CFDP1: variants seen among roughly 807,000 people sequenced by gnomAD.
CFDP1 encodes chromatin remodeling protein CFDP1, also known as heterochromatin-stabilizing protein CFDP1.
A neutral mutation model predicts 40.1 loss-of-function variants in CFDP1; 31 were observed. The observed-to-expected ratio is 0.77, with a 90% confidence interval of 0.58 to 1.04. CFDP1 has a LOEUF of 1.04. Among genes scored for constraint, CFDP1 ranks in the 50% least tolerant of loss-of-function variants. The probability of loss-of-function intolerance (pLI) is 0.00; values close to 1 mark genes in which losing one functional copy is unlikely to be tolerated. For missense variants in CFDP1, 423 were observed against 343.4 expected, an observed-to-expected ratio of 1.23 and a Z score of -1.83; for synonymous variants, 167 against 120.0, an observed-to-expected ratio of 1.39 and a Z score of -2.56.
chr16:75,387,102 A>T (rs2078904405), intron 5 of CFDP1, among the ~76,000 whole-genome samples: 1 of 152,190 alleles, frequency 6.6e-6, no homozygotes, highest in African/African-American at 2.4e-5. Context: ...ACTGAAGAAC[A>T]TGAAGGTGAA....
chr16:75,422,198 G>C (rs1289948278), intron 1 of CFDP1, among the ~76,000 whole-genome samples: 1 of 151,990 alleles, frequency 6.6e-6, no homozygotes, highest in Non-Finnish European at 1.5e-5. Context: ...CCGTGTTCAA[G>C]CTATTCTCCT....
chr16:75,348,430 A>G (rs2078585463), intron 5 of CFDP1, among the ~76,000 whole-genome samples: 1 of 152,232 alleles, frequency 6.6e-6, no homozygotes, highest in Admixed American at 6.5e-5. Context: ...TTATTTCAAA[A>G]TAAAATTTAA....
At chr16:75,328,884 T>C (rs1439169474) in intron 5 of CFDP1, among the ~76,000 whole-genome samples, 1 of 150,490 alleles carries the variant, frequency 6.6e-6, no homozygotes, top group Non-Finnish European at 1.5e-5. Context: ...TTTGCTCTTG[T>C]TGCCCAGGCT....
At chr16:75,339,766 T>C (rs1215171809) in intron 5 of CFDP1, among the ~76,000 whole-genome samples, 1 of 152,204 alleles carries the variant, frequency 6.6e-6, no homozygotes, top group Non-Finnish European at 1.5e-5. Flanking sequence ...ATACATGTGA[T>C]GCATGTTCAG....
chr16:75,425,099 T>A (rs1354028770), intron 1 of CFDP1, among the ~76,000 whole-genome samples: 1 of 151,938 alleles, frequency 6.6e-6, no homozygotes, highest in Non-Finnish European at 1.5e-5. Flanking sequence ...AGATACAGAC[T>A]GTATTCATAG....
chr16:75,328,194 G>A (rs2078417834), intron 5 of CFDP1, among the ~76,000 whole-genome samples: 1 of 149,538 alleles, frequency 6.7e-6, no homozygotes, highest in Admixed American at 6.6e-5. Context: ...ATGTTGCCCA[G>A]GCTGGTCTCA....
chr16:75,393,600 G>A (rs574252139), intron 5 of CFDP1, among the ~76,000 whole-genome samples: 3 of 149,874 alleles, frequency 2.0e-5, no homozygotes, highest in East Asian at 4.0e-4. Context: ...GCGCGGTGGC[G>A]GGCGCCTGTA....
chr16:75,300,663 T>C (rs906914341), intron 6 of CFDP1, among the ~76,000 whole-genome samples: 3 of 152,190 alleles, frequency 2.0e-5, no homozygotes, highest in African/African-American at 7.2e-5. Context: ...AGGTTCTGTT[T>C]ATGGAGGGAA....
At chr16:75,370,984 T>C (rs2078747300) in intron 5 of CFDP1, among the ~76,000 whole-genome samples, 1 of 152,230 alleles carries the variant, frequency 6.6e-6, no homozygotes, top group South Asian at 2.1e-4. Flanking sequence ...AGTTTATTCA[T>C]TTATCAAATA....
chr16:75,403,337 G>C (rs2079071342), intron 4 of CFDP1, among the ~76,000 whole-genome samples: 1 of 152,136 alleles, frequency 6.6e-6, no homozygotes, highest in South Asian at 2.1e-4. Context: ...TCCTACTTCA[G>C]CCTCCTGAGT....
chr16:75,376,821 G>C (rs1170517121), intron 5 of CFDP1, among the ~76,000 whole-genome samples: 1 of 152,200 alleles, frequency 6.6e-6, no homozygotes, highest in African/African-American at 2.4e-5. Context: ...GACAACACCT[G>C]AGAGTTACCG....
chr16:75,411,157 G>T (rs995651304), intron 4 of CFDP1, among the ~76,000 whole-genome samples: 3 of 151,958 alleles, frequency 2.0e-5, no homozygotes, highest in Non-Finnish European at 4.4e-5. Flanking sequence ...GGTGGAGGTC[G>T]CAATGAGCCG....
chr16:75,389,533 C>T (rs1466163774), intron 5 of CFDP1, among the ~76,000 whole-genome samples: 3 of 152,142 alleles, frequency 2.0e-5, no homozygotes, highest in Admixed American at 2.0e-4. Flanking sequence ...CTTATCTTAT[C>T]AAAAGATGTG....
intron 5 of CFDP1, among the ~76,000 whole-genome samples, chr16:75,390,714 T>C (rs1194566987): frequency 6.6e-6 from 1 of 152,204 alleles, no homozygotes; most frequent in Non-Finnish European, 1.5e-5. Context: ...GATCTGGGTA[T>C]TTATTCCCTT....
chr16:75,412,646 T>A lies in CFDP1; in HGVS notation c.291A>T (p.Glu97Asp). 1 of 1,614,180 alleles carries A rather than the reference T, an allele frequency of 6.2e-7. No individual in the cohort carries two copies. The highest frequency in any genetic ancestry group is 2.2e-5 in the East Asian group (1 of 44,888). Reference sequence around the variant, plus strand: ...TGGCATCCTCTGATCCAATGCCTTTTTCCTGCTCTGCAGCGTCATCTTCCT... The same window carrying A: ...TGGCATCCTCTGATCCAATGCCTTTATCCTGCTCTGCAGCGTCATCTTCCT... ...SEEEDDAAEQ[E>D]KGIGSEDARK... Residue 97 changes from glutamate to aspartate, a missense_variant, in exon 3 of 7, where the codon GAA becomes GAT. Transcript: ENST00000283882.
intron 2 of CFDP1, 63 bp downstream of exon 2, chr16:75,414,515 T>A (rs2079187671): frequency 1.0e-6 from 1 of 958,206 alleles, no homozygotes; most frequent in East Asian, 2.4e-5. Flanking sequence ...GAGACCAATC[T>A]TAGCAATCAG....
intron 5 of CFDP1, among the ~76,000 whole-genome samples, chr16:75,366,482 G>A (rs996218942): frequency 6.6e-6 from 1 of 152,162 alleles, no homozygotes; most frequent in Admixed American, 6.5e-5. Context: ...AATCAGCCGG[G>A]TGTGGTGGCA....
intron 5 of CFDP1, among the ~76,000 whole-genome samples, chr16:75,375,223 A>G (rs1251476639): frequency 1.3e-5 from 2 of 152,196 alleles, no homozygotes; most frequent in Non-Finnish European, 1.5e-5. Flanking sequence ...CTGAATATCA[A>G]AATTAAAAAC....
chr16:75,304,390 G>C (rs1331975296), intron 6 of CFDP1, among the ~76,000 whole-genome samples: 1 of 152,126 alleles, frequency 6.6e-6, no homozygotes, highest in Non-Finnish European at 1.5e-5. Context: ...TTGATTTTTT[G>C]TTTAATCACC....
Sources: gnomAD v4.1 joint callset for allele counts (sites outside exome capture counted in the v4.1 genomes callset) on GRCh38, gnomAD v4.1.1 for gene constraint, MANE v1.5 for transcripts, NCBI Gene and HGNC (gene_info 2026-07-23, HGNC 2026-07-21) for gene names.